The following LMO2 variants were observed in gnomAD, a reference collection of about 807,000 sequenced individuals.
The protein encoded by LMO2 is LIM domain only 2.
In LMO2, 20 loss-of-function variants were observed where a neutral mutation model predicts 23.2. The ratio of observed to expected loss-of-function variants is 0.86; its 90% CI spans 0.61 to 1.25. The LOEUF is 1.25. Ranked by LOEUF, LMO2 falls within the 50% of genes most tolerant of loss-of-function variation. LMO2 has a pLI of 0.00. For synonymous variants in LMO2, 123 were observed against 130.2 expected, an observed-to-expected ratio of 0.94 and a Z score of 0.38; for missense variants, 270 against 315.3, an observed-to-expected ratio of 0.86 and a Z score of 1.09.
chr11:33,859,413 A>G lies in LMO2; in HGVS notation c.627T>C (p.Ser209=). 7 of 1,614,140 alleles carry G rather than the reference A, an allele frequency of 4.3e-6. No homozygotes were observed. Among genetic ancestry groups the G allele is most frequent in the South Asian group, 1.1e-5 (1 of 91,082 alleles). ...CVGDRYLLIN[S]DIVCEQDIYE... is the part of the protein sequence containing the mutation. The stretch of plus-strand genomic sequence containing the variant: ...AGATGTCCTGTTCGCACACTATGTC[A>G]GAGTTGATGAGGAGGTATCTGTCAC... The change falls in exon 6 of 6, where the codon TCT becomes TCC. Residue 209 remains serine, a synonymous_variant. Transcript: ENST00000257818.
intron 1 of LMO2, among the ~76,000 whole-genome samples, chr11:33,890,466 C>T (rs902426999): frequency 3.9e-5 from 6 of 152,212 alleles, no homozygotes; most frequent in African/African-American, 1.4e-4. Context: ...ATTCTCCTCT[C>T]TCAGCCTCCC....
intron 3 of LMO2, 41 bp from the exon 4 acceptor site, chr11:33,869,627 G>C (rs966814897): frequency 1.6e-6 from 2 of 1,259,676 alleles, no homozygotes; most frequent in South Asian, 2.4e-5. Flanking sequence ...CCGGGCTGCG[G>C]GCGCGCCGCG....
At chr11:33,889,629 T>C (rs1214759149) in intron 1 of LMO2, among the ~76,000 whole-genome samples, 2 of 152,186 alleles carry the variant, frequency 1.3e-5, no homozygotes, top group Non-Finnish European at 2.9e-5. Context: ...AAAAGAGACA[T>C]GATCCCTACA....
chr11:33,889,087 G>T (rs1857482431), intron 1 of LMO2, among the ~76,000 whole-genome samples: 1 of 152,126 alleles, frequency 6.6e-6, no homozygotes, highest in South Asian at 2.1e-4. Context: ...AACAGAAATG[G>T]GGAAATTGAA....
chr11:33,869,357 C>T lies in LMO2; in HGVS notation c.237G>A (p.Leu79=), dbSNP rs1363873386. The change falls in exon 4 of 6, where the codon CTG becomes CTA. Residue 79 remains leucine, a synonymous_variant. Transcript: ENST00000257818. ...PMSSAIERKS[L]DPSEEPVDEV... ...GGGGCCGCACTTACTCTGAAGGGTCCAGGCTCTTCCTTTCGATGGCCGAGG... is the reference window on the plus strand; with the variant it reads ...GGGGCCGCACTTACTCTGAAGGGTCTAGGCTCTTCCTTTCGATGGCCGAGG... 2.5e-6 allele frequency: 3 copies of T among 1,209,670 alleles called. No individual in the cohort carries two copies. Among genetic ancestry groups the T allele is most frequent in the Non-Finnish European group, 3.1e-6 (3 of 965,164 alleles). 74.9% of individuals were successfully genotyped at this position (1,209,670 alleles called of 1,614,324 possible). A position where few individuals can be genotyped will look rare whatever the true frequency, so the allele number is the denominator to read the frequency against.
intron 2 of LMO2, among the ~76,000 whole-genome samples, chr11:33,876,362 T>A (rs1469121883): frequency 6.6e-6 from 1 of 152,218 alleles, no homozygotes; most frequent in Non-Finnish European, 1.5e-5. Context: ...TTCCCAGTTG[T>A]GTCTTCAGCA....
rs954307728 is a variant in LMO2 at position 33,880,300 on chromosome 11, T to G, written c.-272+1524A>C. ...TGATATATATCATATATATCATATA[T>G]ATACATATCATATATATACATGCAA... On this transcript the variant is annotated intron_variant, in intron 2 of 5. Transcript: ENST00000257818. The surrounding 1 kb of genome is among the most constrained non-coding windows in gnomAD (Gnocchi z 4.3). Among the ~76,000 whole-genome samples the G allele has an allele frequency of 7.7e-6, 1 of 129,296 alleles. No homozygotes were observed. The highest frequency in any genetic ancestry group is 7.7e-5 in the Admixed American group (1 of 12,922). 84.8% of individuals were successfully genotyped at this position (129,296 alleles called of 152,430 possible). A position where few individuals can be genotyped will look rare whatever the true frequency, so the allele number is the denominator to read the frequency against.
chr11:33,869,675 GC>G, intron 3 of LMO2, 34 bp downstream of exon 3: 1 of 1,264,220 alleles, frequency 7.9e-7, no homozygotes, highest in Non-Finnish European at 1.0e-6. Context: ...CTGGCTCCAG[GC>G]GGCTGCAGCT....
chr11:33,869,795 G>T lies in LMO2; in HGVS notation c.-79C>A. 2 of 1,125,664 alleles carry T rather than the reference G, an allele frequency of 1.8e-6. No homozygotes were observed. The highest frequency in any genetic ancestry group is 2.2e-6 in the Non-Finnish European group (2 of 921,344). 69.7% of individuals were successfully genotyped at this position (1,125,664 alleles called of 1,614,324 possible). ...CGCGCCGCCCGCGGGGATGGTGTGC[G>T]CCCGCCCGGCCGCCCGGAGCCCCTC... On this transcript the variant is annotated 5_prime_UTR_variant, in exon 3 of 6. Transcript: ENST00000257818.
rs1341571834 is a variant in LMO2 at position 33,891,945 on chromosome 11, C to A, written c.-486G>T. 6.6e-6 allele frequency: 1 copy of A among 152,356 alleles called. No homozygotes were observed. The highest frequency in any genetic ancestry group is 2.4e-5 in the African/African-American group (1 of 41,458). The allele number at this position is 152,356 out of a possible 1,614,324, so 9.4% of individuals were successfully genotyped here. On this transcript the variant is annotated 5_prime_UTR_variant, in exon 1 of 6. Coordinates refer to ENST00000257818, the MANE Select transcript of LMO2 (RefSeq NM_005574.4). The stretch of plus-strand genomic sequence containing the variant: ...CTGGTGCCTGTGCCATCTCCCCTCT[C>A]TGCCAGGACACCCAGAGGCCCTTGT...
chr11:33,863,682 G>A (rs1856665652), intron 5 of LMO2, among the ~76,000 whole-genome samples: 1 of 152,204 alleles, frequency 6.6e-6, no homozygotes. Flanking sequence ...GTACATTCTA[G>A]GCAAAGGCTT....
At chr11:33,875,696 C>A (rs1857123093) in intron 2 of LMO2, among the ~76,000 whole-genome samples, 2 of 152,020 alleles carry the variant, frequency 1.3e-5, no homozygotes, top group Non-Finnish European at 2.9e-5. Context: ...CATTGTCAAA[C>A]CTTCCCCCAC....
chr11:33,871,836 C>T (rs907283181), intron 2 of LMO2, among the ~76,000 whole-genome samples: 8 of 152,082 alleles, frequency 5.3e-5, no homozygotes, highest in Non-Finnish European at 1.0e-4. Context: ...TCTTACTTAT[C>T]AGTTAGCATG....
intron 2 of LMO2, among the ~76,000 whole-genome samples, chr11:33,872,793 C>G (rs1311753809): frequency 6.6e-6 from 1 of 152,134 alleles, no homozygotes; most frequent in Non-Finnish European, 1.5e-5. Flanking sequence ...TGGAGTCTCG[C>G]TCTGATACCC....
At chr11:33,889,566 A>G (rs781156471) in intron 1 of LMO2, among the ~76,000 whole-genome samples, 8 of 152,242 alleles carry the variant, frequency 5.3e-5, no homozygotes, top group Admixed American at 1.3e-4. Context: ...GCTAGAAAAC[A>G]AGTACTTGCC....
chr11:33,870,377 C>G (rs762955052), intron 2 of LMO2: 1 of 985,426 alleles, frequency 1.0e-6, no homozygotes, highest in Non-Finnish European at 1.2e-6. Context: ...GATTTTCCGC[C>G]CGTCCCAGGT....
chr11:33,884,045 C>A (rs1404826288), intron 1 of LMO2, among the ~76,000 whole-genome samples: 4 of 152,082 alleles, frequency 2.6e-5, no homozygotes, highest in African/African-American at 9.7e-5. Context: ...GCTGTTCTCT[C>A]CCATTTAAAA....
intron 2 of LMO2, among the ~76,000 whole-genome samples, chr11:33,879,094 C>T (rs1857202285): frequency 1.3e-5 from 2 of 152,108 alleles, no homozygotes; most frequent in Admixed American, 1.3e-4. Flanking sequence ...AACCTGGTAA[C>T]TATAACATTC....
rs1856951082 is a variant in LMO2 at position 33,869,776 on chromosome 11, G to T, written c.-60C>A. On this transcript the variant is annotated 5_prime_UTR_variant, in exon 3 of 6. Coordinates refer to ENST00000257818, the MANE Select transcript of LMO2 (RefSeq NM_005574.4). ...CGCGCGCTGTCGCCGGCTCCGCGCC[G>T]CCCGCGGGGATGGTGTGCGCCCGCC... The T allele has an allele frequency of 3.4e-6, 4 of 1,169,614 alleles. No individual in the cohort carries two copies. Among genetic ancestry groups the T allele is most frequent in the African/African-American group, 1.6e-5 (1 of 60,988 alleles). The allele number at this position is 1,169,614 out of a possible 1,614,324, so 72.5% of individuals were successfully genotyped here. A position where few individuals can be genotyped will look rare whatever the true frequency, so the allele number is the denominator to read the frequency against.
Sources: allele counts gnomAD v4.1 joint callset (sites outside exome capture counted in the v4.1 genomes callset), GRCh38; gene constraint gnomAD v4.1.1; non-coding constraint Gnocchi (gnomAD v3.1); transcripts MANE v1.5; gene names NCBI Gene and HGNC (gene_info 2026-07-23, HGNC 2026-07-21).